RORB: variants seen among roughly 807,000 people sequenced by gnomAD.
RORB encodes nuclear receptor ROR-beta.
RORB carries 6 observed loss-of-function variants against 59.1 expected under a neutral mutation model. The observed-to-expected ratio is 0.10, with a 90% CI of 0.06 to 0.20. The LOEUF (loss-of-function observed/expected upper bound fraction) is 0.20. Among genes scored for constraint, RORB ranks in the 10% least tolerant of loss-of-function variants. The probability of loss-of-function intolerance (pLI) is 1.00; values close to 1 mark genes in which losing one functional copy is unlikely to be tolerated. For missense variants in RORB, 320 were observed against 560.5 expected (o/e 0.57, Z 4.33); for synonymous variants, 215 against 204.5 (o/e 1.05, Z -0.44).
At chr9:74,528,727 G>A (rs1262158008) in intron 1 of RORB, among the ~76,000 whole-genome samples, 3 of 151,890 alleles carry the variant, frequency 2.0e-5, no homozygotes, top group Non-Finnish European at 2.9e-5. Context: ...TTATTGAAGA[G>A]CTACTAGGTG....
intron 9 of RORB, among the ~76,000 whole-genome samples, chr9:74,673,324 G>T (rs893359849): frequency 2.0e-5 from 3 of 152,052 alleles, no homozygotes; most frequent in African/African-American, 7.2e-5. Context: ...GAAGACTTTT[G>T]TCCCCATATT....
intron 1 of RORB, among the ~76,000 whole-genome samples, chr9:74,590,673 A>G (rs1251897287): frequency 6.6e-6 from 1 of 152,240 alleles, no homozygotes; most frequent in Non-Finnish European, 1.5e-5. Flanking sequence ...TCTGGACCTC[A>G]CAAGGCCCCA....
chr9:74,516,659 A>G (rs892378161), intron 1 of RORB, among the ~76,000 whole-genome samples: 1 of 151,990 alleles, frequency 6.6e-6, no homozygotes, highest in Non-Finnish European at 1.5e-5. Context: ...CAGTCTGGGG[A>G]CTTGGTTTGG....
chr9:74,506,538 T>A (rs1825873535), intron 1 of RORB, among the ~76,000 whole-genome samples: 1 of 152,102 alleles, frequency 6.6e-6, no homozygotes, highest in African/African-American at 2.4e-5. Flanking sequence ...ACACATTAGC[T>A]CTTGTGAACT....
intron 4 of RORB, among the ~76,000 whole-genome samples, chr9:74,647,974 C>T (rs1391596691): frequency 6.6e-6 from 1 of 152,180 alleles, no homozygotes; most frequent in Admixed American, 6.5e-5. Flanking sequence ...GCACATCTAA[C>T]TACCCATGCA....
chr9:74,543,278 AT>A (rs1478898286), intron 1 of RORB, among the ~76,000 whole-genome samples: 3 of 152,324 alleles, frequency 2.0e-5, no homozygotes, highest in Admixed American at 2.0e-4. Context: ...CCCCAGTAGT[AT>A]CTACAGGCTT....
intron 3 of RORB, among the ~76,000 whole-genome samples, chr9:74,635,256 C>T (rs1419525863): frequency 6.6e-6 from 1 of 152,078 alleles, no homozygotes; most frequent in Non-Finnish European, 1.5e-5. Context: ...TCATAGCTAC[C>T]CAGAGGAGGA....
At chr9:74,509,161 G>A (rs1825903414) in intron 1 of RORB, among the ~76,000 whole-genome samples, 2 of 151,852 alleles carry the variant, frequency 1.3e-5, no homozygotes, top group Non-Finnish European at 2.9e-5. Flanking sequence ...GCTCTCCACA[G>A]CTTTCACTCC....
At chr9:74,574,877 G>A (rs918568117) in intron 1 of RORB, among the ~76,000 whole-genome samples, 2 of 152,106 alleles carry the variant, frequency 1.3e-5, no homozygotes, top group Non-Finnish European at 2.9e-5. Context: ...GTTTTAACAC[G>A]AAGGAGAGCC....
intron 1 of RORB, among the ~76,000 whole-genome samples, chr9:74,534,243 G>T (rs939880313): frequency 6.6e-6 from 1 of 151,982 alleles, no homozygotes; most frequent in Non-Finnish European, 1.5e-5. Flanking sequence ...TCTCAGATAC[G>T]GAATGGTGAA....
intron 1 of RORB, among the ~76,000 whole-genome samples, chr9:74,610,521 T>C (rs1823218559): frequency 6.6e-6 from 1 of 152,208 alleles, no homozygotes; most frequent in Admixed American, 6.5e-5. Context: ...ATTCTTCAAA[T>C]ATTCTCTATG....
At chr9:74,639,148 G>A (rs554074670) in intron 3 of RORB, among the ~76,000 whole-genome samples, 3 of 152,308 alleles carry the variant, frequency 2.0e-5, no homozygotes, top group South Asian at 4.1e-4. Context: ...GATTGTAGAT[G>A]GCCTTGCCTG....
intron 3 of RORB, among the ~76,000 whole-genome samples, chr9:74,639,346 G>A (rs1449903163): frequency 6.6e-6 from 1 of 152,214 alleles, no homozygotes; most frequent in East Asian, 1.9e-4. Flanking sequence ...TGGGCAGGAT[G>A]CCTGCAAAGA....
intron 1 of RORB, among the ~76,000 whole-genome samples, chr9:74,576,295 T>C (rs1252409758): frequency 6.6e-6 from 1 of 152,130 alleles, no homozygotes; most frequent in East Asian, 1.9e-4. Flanking sequence ...TGTACACCCA[T>C]CCTGGCTCCT....
At chr9:74,500,307 C>T (rs1825789051) in intron 1 of RORB, among the ~76,000 whole-genome samples, 1 of 152,130 alleles carries the variant, frequency 6.6e-6, no homozygotes, top group African/African-American at 2.4e-5. Context: ...TTCATATTTT[C>T]CCCGGACAGT....
At chr9:74,593,476 A>G (rs553482500) in intron 1 of RORB, among the ~76,000 whole-genome samples, 27 of 151,966 alleles carry the variant, frequency 1.8e-4, no homozygotes, top group African/African-American at 6.5e-4. Context: ...TAAAAAAAAA[A>G]AAAAAAAACA....
intron 1 of RORB, among the ~76,000 whole-genome samples, chr9:74,613,561 G>GC (rs1484276026): frequency 6.6e-6 from 1 of 152,004 alleles, no homozygotes; most frequent in Non-Finnish European, 1.5e-5. Context: ...AGATGCCTTG[G>GC]CCCCCCACCA....
At chr9:74,579,705 C>T (rs77815233) in intron 1 of RORB, among the ~76,000 whole-genome samples, 2,853 of 152,216 alleles carry the variant, frequency 0.019, 39 homozygotes, top group Admixed American at 0.035. Flanking sequence ...ACATATAAAG[C>T]CCCAGCAATA....
chr9:74,670,682 A>G (rs774195816), intron 8 of RORB, among the ~76,000 whole-genome samples: 5 of 152,128 alleles, frequency 3.3e-5, no homozygotes, highest in Admixed American at 3.3e-4. Context: ...TTTCCAGCCT[A>G]TGTAGGCTCC....
Sources: gnomAD v4.1 joint callset for allele counts (sites outside exome capture counted in the v4.1 genomes callset) on GRCh38, gnomAD v4.1.1 for gene constraint, MANE v1.5 for transcripts, NCBI Gene and HGNC (gene_info 2026-07-23, HGNC 2026-07-21) for gene names.